Variants in EYS observed in about 807,000 individuals in gnomAD.
The protein encoded by EYS is EGF-like photoreceptor maintenance factor.
EYS carries 250 observed loss-of-function variants against 282.1 expected under a neutral mutation model. The observed-to-expected ratio is 0.89, with a 90% CI of 0.80 to 0.98. The LOEUF (loss-of-function observed/expected upper bound fraction) is 0.98, where lower values mean the gene tolerates loss of function less well. EYS is among the 50% of genes least tolerant of loss of function. The probability of loss-of-function intolerance (pLI) is 0.00; values close to 1 mark genes in which losing one functional copy is unlikely to be tolerated. For synonymous variants in EYS, 1,355 were observed against 1,282.9 expected, an observed-to-expected ratio of 1.06 and a Z score of -1.20; for missense variants, 4,016 against 3,709.0, an observed-to-expected ratio of 1.08 and a Z score of -2.15.
At chr6:65,638,576 C>G (rs191998923) in intron 2 of EYS, among the ~76,000 whole-genome samples, 10 of 152,320 alleles carry the variant, frequency 6.6e-5, no homozygotes, top group Admixed American at 3.9e-4. Flanking sequence ...CATCCAGACA[C>G]AGGTGCCCAC....
At chr6:64,228,124 G>C (rs1766305034) in intron 31 of EYS, among the ~76,000 whole-genome samples, 1 of 152,094 alleles carries the variant, frequency 6.6e-6, no homozygotes, top group Admixed American at 6.6e-5. Context: ...ACATGTGTCA[G>C]TATGGATTCT....
chr6:65,227,554 C>T (rs1766659748), intron 12 of EYS, among the ~76,000 whole-genome samples: 1 of 152,046 alleles, frequency 6.6e-6, no homozygotes, highest in Non-Finnish European at 1.5e-5. Context: ...GATATATGAT[C>T]AAGCAATTCT....
chr6:64,378,506 C>T (rs1323745601), intron 29 of EYS, among the ~76,000 whole-genome samples: 1 of 152,018 alleles, frequency 6.6e-6, no homozygotes, highest in Non-Finnish European at 1.5e-5. Context: ...GAAATAACTT[C>T]AAAATTATTG....
chr6:63,720,660 A>T lies in EYS; in HGVS notation c.9371T>A (p.Ile3124Asn), dbSNP rs770840726. 1.3e-6 allele frequency: 2 copies of T among 1,539,980 alleles called. No individual in the cohort carries two copies. Among genetic ancestry groups the T allele is most frequent in the Non-Finnish European group, 1.8e-6 (2 of 1,141,938 alleles). ...GTATCCTTCTAATTTAATTAGTTCA[A>T]TGTTTTTTGGTTCCTGAAAAAATAC... is the stretch of plus-strand genomic sequence containing the variant. ...DVVFFQEPKN[I>N]ELIKLEGYNV... The change falls in exon 43 of 43, where the codon ATT becomes AAT. Residue 3124 changes from isoleucine (I) to asparagine (N), a missense_variant. By Grantham distance (149) the Ile-to-Asn change is moderately radical. Transcript: ENST00000503581.
chr6:64,918,293 G>A (rs1334779346), intron 15 of EYS, among the ~76,000 whole-genome samples: 4 of 152,098 alleles, frequency 2.6e-5, no homozygotes, highest in Non-Finnish European at 5.9e-5. Flanking sequence ...AAAAACATAT[G>A]AGAAGATTGA....
chr6:64,945,986 TG>T, intron 14 of EYS, 72 bp from the exon 15 acceptor site: 1 of 1,180,276 alleles, frequency 8.5e-7, no homozygotes, highest in Non-Finnish European at 1.1e-6. Context: ...ATATTACTCC[TG>T]GCCATTTTGA....
intron 15 of EYS, among the ~76,000 whole-genome samples, chr6:64,922,645 G>T (rs1417893748): frequency 6.6e-6 from 1 of 152,228 alleles, no homozygotes; most frequent in Middle Eastern, 3.4e-3. Context: ...GTATTCACTG[G>T]CCCTTTTGTT....
rs1441686857 is a variant in EYS, at chr6:64,009,153, ATTTATTCATTT to A, written c.6726-9981_6726-9971del. Among the ~76,000 whole-genome samples, 7 of 151,976 alleles carry A rather than the reference ATTTATTCATTT, an allele frequency of 4.6e-5. No homozygotes were observed. In the South Asian group the frequency reaches 8.3e-4, roughly 18 times the overall value. The stretch of plus-strand genomic sequence containing the variant: ...AATCTCATTTCTTGGAGGTTTATTC[ATTTATTCATTT>A]TTTATTCATTTTTCTTTATTTTTGT... On this transcript the variant is annotated intron_variant, in intron 33 of 42. Coordinates refer to ENST00000503581, the MANE Select transcript of EYS (RefSeq NM_001142800.2).
At chr6:64,308,137 T>A (rs934349158) in intron 29 of EYS, among the ~76,000 whole-genome samples, 1 of 152,006 alleles carries the variant, frequency 6.6e-6, no homozygotes, top group Non-Finnish European at 1.5e-5. Flanking sequence ...TATCAAAACA[T>A]TAAGAAGAAT....
At chr6:65,157,521 AT>A (rs1764756251) in intron 12 of EYS, among the ~76,000 whole-genome samples, 1 of 150,764 alleles carries the variant, frequency 6.6e-6, no homozygotes. Flanking sequence ...ATAAAAAGAT[AT>A]TTGTTGTAAG....
intron 5 of EYS, among the ~76,000 whole-genome samples, chr6:65,433,434 C>T (rs941266553): frequency 8.5e-5 from 13 of 152,188 alleles, no homozygotes; most frequent in African/African-American, 3.1e-4. Flanking sequence ...AAACAGAATG[C>T]TTCAACAAGA....
At chr6:65,380,812 T>C (rs1765582158) in intron 8 of EYS, among the ~76,000 whole-genome samples, 2 of 152,114 alleles carry the variant, frequency 1.3e-5, no homozygotes, top group South Asian at 4.2e-4. Flanking sequence ...GCAAAGTTTA[T>C]CAACAGACAC....
chr6:63,759,973 G>A (rs142584890), intron 41 of EYS, among the ~76,000 whole-genome samples: 3 of 152,144 alleles, frequency 2.0e-5, no homozygotes, highest in African/African-American at 7.2e-5. Flanking sequence ...TGAGAAAAAT[G>A]TTTAAGTAGT....
chr6:65,596,926 T>C (rs545199447), intron 2 of EYS, among the ~76,000 whole-genome samples: 2 of 152,176 alleles, frequency 1.3e-5, no homozygotes, highest in South Asian at 2.1e-4. Flanking sequence ...AGGGAAATGA[T>C]AGTCCTTCAA....
chr6:64,946,079 C>T (rs1285285305), intron 14 of EYS, among the ~76,000 whole-genome samples, 165 bp from the exon 15 acceptor site: 4 of 152,006 alleles, frequency 2.6e-5, no homozygotes, highest in South Asian at 2.1e-4. Context: ...TTTTTAAAAG[C>T]GTGTGAACAG....
intron 22 of EYS, among the ~76,000 whole-genome samples, chr6:64,697,032 A>C (rs1583052917): frequency 6.6e-6 from 1 of 152,338 alleles, no homozygotes; most frequent in African/African-American, 2.4e-5. Flanking sequence ...ATAATGCTTA[A>C]CATTACAACA....
At chr6:64,818,088 G>T (rs1764793754) in intron 21 of EYS, among the ~76,000 whole-genome samples, 1 of 152,052 alleles carries the variant, frequency 6.6e-6, no homozygotes, top group African/African-American at 2.4e-5. Context: ...TTTATAATTT[G>T]ATATCTTAAA....
intron 26 of EYS, among the ~76,000 whole-genome samples, chr6:64,546,682 AC>A (rs1167409616): frequency 1.3e-5 from 2 of 152,212 alleles, no homozygotes; most frequent in South Asian, 2.1e-4. Flanking sequence ...CAACAAAAAA[AC>A]AAACAACCCC....
At chr6:65,342,470 C>T (rs1770235128) in intron 10 of EYS, among the ~76,000 whole-genome samples, 1 of 150,536 alleles carries the variant, frequency 6.6e-6, no homozygotes. Flanking sequence ...AATATTTAGT[C>T]AACATTAAGA....
Sources: gnomAD v4.1 joint callset for allele counts (sites outside exome capture counted in the v4.1 genomes callset) on GRCh38, gnomAD v4.1.1 for gene constraint, MANE v1.5 for transcripts, NCBI Gene and HGNC (gene_info 2026-07-23, HGNC 2026-07-21) for gene names.